BEND7: variants seen among roughly 807,000 people sequenced by gnomAD.
BEND7 encodes BEN domain-containing protein 7.
A neutral mutation model predicts 50.9 loss-of-function variants in BEND7; 28 were observed. The ratio of observed to expected loss-of-function variants is 0.55; its 90% CI spans 0.41 to 0.75. The LOEUF (loss-of-function observed/expected upper bound fraction) is 0.75, where lower values mean the gene tolerates loss of function less well. Ranked by LOEUF, BEND7 falls within the 30% of genes least tolerant of loss-of-function variation. The probability of loss-of-function intolerance (pLI) is 0.00; values close to 1 mark genes in which losing one functional copy is unlikely to be tolerated. For missense variants in BEND7, 477 were observed against 491.3 expected, an observed-to-expected ratio of 0.97 and a Z score of 0.28; for synonymous variants, 170 against 183.9, an observed-to-expected ratio of 0.92 and a Z score of 0.61.
intron 6 of BEND7, among the ~76,000 whole-genome samples, chr10:13,476,149 T>C (rs1201607366): frequency 2.0e-5 from 3 of 152,144 alleles, no homozygotes; most frequent in Admixed American, 1.3e-4. Flanking sequence ...AGATGACAAA[T>C]ATGGACCCTA....
At chr10:13,452,421 AAC>A (rs1837943885) in intron 7 of BEND7, 116 bp downstream of exon 7, 2 of 1,131,260 alleles carry the variant, frequency 1.8e-6, no homozygotes, top group Non-Finnish European at 2.5e-6. Flanking sequence ...GCATATTATA[AAC>A]AGTCTCTCCT....
chr10:13,499,644 T>C, intron 3 of BEND7, 134 bp downstream of exon 3: 1 of 1,088,018 alleles, frequency 9.2e-7, no homozygotes, highest in African/African-American at 1.5e-5. Flanking sequence ...TGTCTCCCTG[T>C]CTTTTAAAGT....
intron 2 of BEND7, among the ~76,000 whole-genome samples, chr10:13,507,069 T>A (rs1413116761): frequency 1.3e-5 from 2 of 152,088 alleles, no homozygotes; most frequent in African/African-American, 4.8e-5. Context: ...GGCTGGCCCC[T>A]CTGGACTGAG....
intron 4 of BEND7, among the ~76,000 whole-genome samples, chr10:13,495,159 T>C (rs946262591): frequency 1.3e-5 from 2 of 152,252 alleles, no homozygotes; most frequent in African/African-American, 4.8e-5. Context: ...TTCATATGCA[T>C]ATTTTCTTAA....
At chr10:13,522,056 C>G (rs981925615) in intron 2 of BEND7, among the ~76,000 whole-genome samples, 1 of 152,126 alleles carries the variant, frequency 6.6e-6, no homozygotes, top group Non-Finnish European at 1.5e-5. Context: ...CTATGGGAAG[C>G]TGAATAACTG....
At chr10:13,482,665 C>A (rs771576347) in intron 5 of BEND7, among the ~76,000 whole-genome samples, 11 of 152,234 alleles carry the variant, frequency 7.2e-5, no homozygotes, top group Non-Finnish European at 1.3e-4. Context: ...AAAGTCATCT[C>A]ACACTTCTGC....
chr10:13,506,276 T>A (rs1366512904), intron 2 of BEND7, among the ~76,000 whole-genome samples: 24 of 152,216 alleles, frequency 1.6e-4, no homozygotes. Context: ...GCCTTCCCTG[T>A]TGGCCCCGCA....
intron 6 of BEND7, among the ~76,000 whole-genome samples, chr10:13,455,763 G>A (rs1021730192): frequency 6.6e-6 from 1 of 152,196 alleles, no homozygotes; most frequent in Non-Finnish European, 1.5e-5. Flanking sequence ...CGATTCAGAA[G>A]TGGTTCTAGG....
intron 6 of BEND7, chr10:13,459,594 G>T (rs570660035): frequency 3.3e-5 from 5 of 152,284 alleles, no homozygotes; most frequent in African/African-American, 1.2e-4. Flanking sequence ...TCCACATCTT[G>T]GTGCAATTGT....
intron 4 of BEND7, among the ~76,000 whole-genome samples, chr10:13,493,358 G>C (rs1002373174): frequency 1.3e-5 from 2 of 152,000 alleles, no homozygotes; most frequent in African/African-American, 4.8e-5. Context: ...ATGATCATTT[G>C]CGCAAGACTG....
chr10:13,464,134 G>A (rs535092931), intron 6 of BEND7, among the ~76,000 whole-genome samples: 5 of 152,224 alleles, frequency 3.3e-5, no homozygotes, highest in Admixed American at 6.5e-5. Context: ...AGCTGAAGAC[G>A]CTGTTCCTTG....
chr10:13,506,751 AATGGAGCGAG>A (rs1371557534), intron 2 of BEND7, among the ~76,000 whole-genome samples: 2 of 146,510 alleles, frequency 1.4e-5, no homozygotes, highest in African/African-American at 2.4e-5. Context: ...TCAGGATGGA[AATGGAGCGAG>A]ATGGAGAGAG....
chr10:13,441,882 G>C, intron 8 of BEND7, 132 bp from the exon 9 acceptor site: 1 of 864,908 alleles, frequency 1.2e-6, no homozygotes, highest in Non-Finnish European at 1.8e-6. Context: ...AGAAGAAAAA[G>C]AAGCCACACA....
chr10:13,525,669 CAG>C (rs2079411194), intron 2 of BEND7, among the ~76,000 whole-genome samples: 1 of 152,178 alleles, frequency 6.6e-6, no homozygotes, highest in African/African-American at 2.4e-5. Context: ...AACTGGGCCA[CAG>C]AGGTGAAGGG....
chr10:13,500,499 G>A (rs550604539), intron 2 of BEND7: 15 of 995,048 alleles, frequency 1.5e-5, no homozygotes, highest in Middle Eastern at 5.2e-4. Context: ...TCACTAAAGC[G>A]CTCTGCTCAC....
At chr10:13,499,633 G>T in intron 3 of BEND7, 145 bp downstream of exon 3, 3 of 973,350 alleles carry the variant, frequency 3.1e-6, no homozygotes, top group Admixed American at 2.7e-5. Context: ...TCTTTCCTTT[G>T]TGTCTCCCTG....
chr10:13,475,597 T>G (rs962529073), intron 6 of BEND7, among the ~76,000 whole-genome samples: 2 of 152,162 alleles, frequency 1.3e-5, no homozygotes, highest in Non-Finnish European at 1.5e-5. Context: ...GTAAAAAAAT[T>G]GATGTATAGC....
At chr10:13,492,473 T>A in intron 5 of BEND7, 138 bp downstream of exon 5, 3 of 1,141,870 alleles carry the variant, frequency 2.6e-6, no homozygotes, top group Non-Finnish European at 3.7e-6. Flanking sequence ...ACAAGAAAAT[T>A]ATTACCAGTC....
Position 13,441,681 on chromosome 10 carries a change from A to C in BEND7, c.*62T>G. 2 of 1,611,772 alleles carry C rather than the reference A, an allele frequency of 1.2e-6. No individual in the cohort carries two copies. The highest frequency in any genetic ancestry group is 1.7e-6 in the Non-Finnish European group (2 of 1,179,318). On this transcript the variant is annotated 3_prime_UTR_variant, in exon 9 of 9. Transcript: ENST00000466271. ...TGGGTAGTAGCTCCTTGTGGGAGGC[A>C]GAGGACGGATTTTAAAACCCATGGT...
Sources: allele counts gnomAD v4.1 joint callset (sites outside exome capture counted in the v4.1 genomes callset), GRCh38; gene constraint gnomAD v4.1.1; transcripts MANE v1.5; gene names NCBI Gene and HGNC (gene_info 2026-07-23, HGNC 2026-07-21).